The following MACROD2 variants were observed in gnomAD, a reference collection of about 807,000 sequenced individuals.
MACROD2 encodes mono-ADP ribosylhydrolase 2.
Under a neutral mutation model 70.4 loss-of-function variants are expected in MACROD2, and 36 were observed. The ratio of observed to expected loss-of-function variants is 0.51; its 90% CI spans 0.39 to 0.68. The LOEUF is 0.68. Among genes scored for constraint, MACROD2 ranks in the 30% least tolerant of loss-of-function variants. The pLI, the probability that MACROD2 is intolerant of heterozygous loss-of-function variation, is 0.00. For missense variants in MACROD2, 496 were observed against 538.4 expected, an observed-to-expected ratio of 0.92 and a Z score of 0.78; for synonymous variants, 172 against 178.8, an observed-to-expected ratio of 0.96 and a Z score of 0.30.
intron 2 of MACROD2, among the ~76,000 whole-genome samples, chr20:14,044,852 G>A (rs1175967484): frequency 6.6e-6 from 1 of 152,216 alleles, no homozygotes; most frequent in Non-Finnish European, 1.5e-5. Flanking sequence ...TTGGGCGGTC[G>A]ATGGGACTGG....
At chr20:15,208,108 CT>C (rs2076727858) in intron 5 of MACROD2, among the ~76,000 whole-genome samples, 1 of 152,010 alleles carries the variant, frequency 6.6e-6, no homozygotes, top group Non-Finnish European at 1.5e-5. Context: ...TTTGTTTAGC[CT>C]ATTTTCTATT....
chr20:14,669,783 T>C (rs992568701), intron 4 of MACROD2, among the ~76,000 whole-genome samples: 1 of 151,934 alleles, frequency 6.6e-6, no homozygotes, highest in African/African-American at 2.4e-5. Flanking sequence ...CCCTTGCACT[T>C]CTGCTTGATC....
intron 8 of MACROD2, among the ~76,000 whole-genome samples, chr20:15,599,346 C>G (rs896492771): frequency 1.3e-5 from 2 of 152,010 alleles, no homozygotes; most frequent in African/African-American, 4.8e-5. Context: ...GAGCCGAGAT[C>G]GCGCCACTGC....
intron 8 of MACROD2, among the ~76,000 whole-genome samples, chr20:15,795,563 C>T (rs2063665312): frequency 6.6e-6 from 1 of 152,114 alleles, no homozygotes; most frequent in Non-Finnish European, 1.5e-5. Context: ...AACACTTTCT[C>T]TTGTAATTTG....
At chr20:14,401,498 T>C (rs928475243) in intron 3 of MACROD2, among the ~76,000 whole-genome samples, 1 of 152,196 alleles carries the variant, frequency 6.6e-6, no homozygotes, top group Non-Finnish European at 1.5e-5. Flanking sequence ...CACACAGATA[T>C]TGTATTTTTT....
At position 16,044,656 on chromosome 20, in the gene MACROD2, G is replaced by A; in HGVS notation, c.1300+17G>A. Reference sequence around the variant, plus strand: ...AACTAATAGGTAAGATGCCCCTTGTGGTGAGATTTTCAATGATCAACCAGC... The same window carrying A: ...AACTAATAGGTAAGATGCCCCTTGTAGTGAGATTTTCAATGATCAACCAGC... On this transcript the variant is annotated intron_variant, in intron 17 of 17. Coordinates refer to ENST00000684519, the MANE Select transcript of MACROD2 (RefSeq NM_001351661.2). 6.2e-7 allele frequency: 1 copy of A among 1,604,476 alleles called. No homozygotes were observed.
At chr20:14,466,042 G>A (rs548180621) in intron 3 of MACROD2, among the ~76,000 whole-genome samples, 1 of 152,012 alleles carries the variant, frequency 6.6e-6, no homozygotes, top group Non-Finnish European at 1.5e-5. Context: ...GAATATCTTT[G>A]TGGCGTTTTC....
intron 4 of MACROD2, among the ~76,000 whole-genome samples, chr20:14,599,910 G>A (rs766167294): frequency 2.0e-5 from 3 of 152,046 alleles, no homozygotes; most frequent in Non-Finnish European, 2.9e-5. Context: ...GGTGGCACTG[G>A]CAACTGAGAT....
intron 3 of MACROD2, among the ~76,000 whole-genome samples, chr20:14,420,693 A>C (rs1335631086): frequency 6.6e-6 from 1 of 151,970 alleles, no homozygotes; most frequent in Non-Finnish European, 1.5e-5. Flanking sequence ...TAATCTCTTG[A>C]AAATGTTCTT....
chr20:14,483,437 G>A (rs1222410861), intron 3 of MACROD2, among the ~76,000 whole-genome samples: 5 of 151,114 alleles, frequency 3.3e-5, no homozygotes, highest in South Asian at 4.2e-4. Context: ...ACGGAGTTTC[G>A]CTCCTGTTGC....
At position 14,920,927 on chromosome 20, in the gene MACROD2, C is replaced by A. The variant is rs546702959; in HGVS notation, c.418+235968C>A. Reference sequence around the variant, plus strand: ...AGGTTTAAAAATAATAATTTAACTTCAAACAATCCTTAACTCTTCAAAATG... The same window carrying A: ...AGGTTTAAAAATAATAATTTAACTTAAAACAATCCTTAACTCTTCAAAATG... On this transcript the variant is annotated intron_variant, in intron 5 of 17. Coordinates refer to ENST00000684519, the MANE Select transcript of MACROD2 (RefSeq NM_001351661.2). Among the ~76,000 whole-genome samples the A allele has an allele frequency of 2.6e-5, 4 of 152,242 alleles. No homozygotes were observed. The South Asian group carries it at 8.3e-4, about 32-fold the overall frequency.
intron 4 of MACROD2, among the ~76,000 whole-genome samples, chr20:14,652,114 T>G (rs1198749497): frequency 6.6e-6 from 1 of 152,182 alleles, no homozygotes; most frequent in South Asian, 2.1e-4. Flanking sequence ...TGGAAACATA[T>G]GATTGCCTCA....
chr20:14,016,069 A>G (rs1229043726), intron 2 of MACROD2, among the ~76,000 whole-genome samples: 1 of 152,150 alleles, frequency 6.6e-6, no homozygotes, highest in Non-Finnish European at 1.5e-5. Flanking sequence ...TGGCTATAGT[A>G]TTTTACATTC....
intron 5 of MACROD2, among the ~76,000 whole-genome samples, chr20:14,737,772 TA>T (rs2071685246): frequency 6.6e-6 from 1 of 152,250 alleles, no homozygotes; most frequent in Non-Finnish European, 1.5e-5. Flanking sequence ...TGTCTGTTCA[TA>T]TCCTTCATCC....
At chr20:14,584,844 C>T (rs1396315007) in intron 4 of MACROD2, among the ~76,000 whole-genome samples, 1 of 152,198 alleles carries the variant, frequency 6.6e-6, no homozygotes, top group Non-Finnish European at 1.5e-5. Flanking sequence ...AAATTATTGT[C>T]AGTTCTGTAC....
intron 6 of MACROD2, among the ~76,000 whole-genome samples, chr20:15,289,300 G>C (rs1242674233): frequency 1.3e-5 from 2 of 152,142 alleles, no homozygotes; most frequent in African/African-American, 4.8e-5. Flanking sequence ...TGCTGGTAGT[G>C]ACACAAGGAT....
At chr20:14,242,455 T>G (rs2081937548) in intron 3 of MACROD2, among the ~76,000 whole-genome samples, 1 of 152,166 alleles carries the variant, frequency 6.6e-6, no homozygotes, top group Non-Finnish European at 1.5e-5. Context: ...CCAGCAGAAG[T>G]ATACATATCT....
chr20:14,898,444 A>G (rs1025092918), intron 5 of MACROD2, among the ~76,000 whole-genome samples: 2 of 152,180 alleles, frequency 1.3e-5, no homozygotes, highest in African/African-American at 2.4e-5. Context: ...ACATTTGGAA[A>G]TAGGCCAGGT....
intron 9 of MACROD2, among the ~76,000 whole-genome samples, chr20:15,871,700 G>A (rs1310567452): frequency 1.3e-5 from 2 of 152,174 alleles, no homozygotes; most frequent in Admixed American, 6.5e-5. Flanking sequence ...AGAAGTTCAC[G>A]TCTGGTGTTG....
Sources: allele counts gnomAD v4.1 joint callset (sites outside exome capture counted in the v4.1 genomes callset), GRCh38; gene constraint gnomAD v4.1.1; transcripts MANE v1.5; gene names NCBI Gene and HGNC (gene_info 2026-07-23, HGNC 2026-07-21).